TMEM132D: variants seen among roughly 807,000 people sequenced by gnomAD.
TMEM132D encodes the protein transmembrane protein 132D.
In TMEM132D, 21 loss-of-function variants were observed where a neutral mutation model predicts 62.3. That is an observed-to-expected ratio of 0.34 (90% confidence interval 0.24 to 0.49). The LOEUF (loss-of-function observed/expected upper bound fraction) is 0.49, where lower values mean the gene tolerates loss of function less well. Among genes scored for constraint, TMEM132D ranks in the 20% least tolerant of loss-of-function variants. The pLI is 0.99. For missense variants in TMEM132D, 1,346 were observed against 1,402.8 expected, an observed-to-expected ratio of 0.96 and a Z score of 0.65; for synonymous variants, 621 against 575.6, an observed-to-expected ratio of 1.08 and a Z score of -1.13.
rs1436076928 is a variant in TMEM132D, at chr12:129,574,752, A to G, written c.969-43547T>C. ...TTTTCACAATATCACGGTGGGTCCC[A>G]CACATGAACAACTGGGAAATCTAAG... On this transcript the variant is annotated intron_variant, in intron 2 of 8. Transcript: ENST00000422113. Among the ~76,000 whole-genome samples the G allele has an allele frequency of 2.0e-5, 3 of 151,814 alleles. No homozygotes were observed. In the East Asian group the frequency reaches 5.8e-4, roughly 29 times the overall value.
At chr12:129,169,330 G>T (rs1458460341) in intron 5 of TMEM132D, among the ~76,000 whole-genome samples, 1 of 151,842 alleles carries the variant, frequency 6.6e-6, no homozygotes, top group Non-Finnish European at 1.5e-5. Context: ...CTGTGGCCAG[G>T]CAGAAAACAC....
intron 5 of TMEM132D, among the ~76,000 whole-genome samples, chr12:129,090,874 G>C (rs1005535413): frequency 1.3e-5 from 2 of 152,124 alleles, no homozygotes; most frequent in African/African-American, 4.8e-5. Flanking sequence ...CCACCCCACA[G>C]TGTCTTTTTG....
At chr12:129,896,575 T>G (rs1212127393) in intron 1 of TMEM132D, among the ~76,000 whole-genome samples, 2 of 152,212 alleles carry the variant, frequency 1.3e-5, no homozygotes, top group Non-Finnish European at 2.9e-5. Context: ...AGACATCTTC[T>G]TAGTGAATCT....
intron 1 of TMEM132D, among the ~76,000 whole-genome samples, chr12:129,844,377 G>C (rs1247398791): frequency 6.6e-6 from 1 of 152,190 alleles, no homozygotes; most frequent in Non-Finnish European, 1.5e-5. Context: ...ATTTGACCTG[G>C]AGTGTGTGTG....
intron 1 of TMEM132D, among the ~76,000 whole-genome samples, chr12:129,767,152 C>T (rs943103257): frequency 2.0e-5 from 3 of 152,112 alleles, no homozygotes; most frequent in African/African-American, 7.2e-5. Context: ...AAGAAGCTGC[C>T]CTGTATCAAT....
intron 2 of TMEM132D, among the ~76,000 whole-genome samples, chr12:129,547,589 G>T (rs1229253809): frequency 6.6e-6 from 1 of 152,118 alleles, no homozygotes; most frequent in Admixed American, 6.5e-5. Context: ...AAACTTCAGT[G>T]GGCAGACTTT....
At chr12:129,618,794 G>A (rs1878987335) in intron 2 of TMEM132D, among the ~76,000 whole-genome samples, 1 of 152,162 alleles carries the variant, frequency 6.6e-6, no homozygotes. Flanking sequence ...ATAGCCTCAG[G>A]AGGTCCTGAC....
At chr12:129,839,973 C>T (rs921413445) in intron 1 of TMEM132D, 2 of 152,160 alleles carry the variant, frequency 1.3e-5, no homozygotes, top group Non-Finnish European at 2.9e-5. Flanking sequence ...CATCTACACT[C>T]CTCTTTGCTA....
intron 4 of TMEM132D, among the ~76,000 whole-genome samples, chr12:129,283,447 C>T (rs1012776889): frequency 6.6e-6 from 1 of 152,210 alleles, no homozygotes; most frequent in African/African-American, 2.4e-5. Flanking sequence ...CCACCTCAGC[C>T]TCCCAAAGTG....
intron 5 of TMEM132D, among the ~76,000 whole-genome samples, chr12:129,178,661 G>T (rs1185905859): frequency 1.3e-5 from 2 of 152,142 alleles, no homozygotes; most frequent in Admixed American, 6.5e-5. Context: ...GTAAAAGATG[G>T]GGGCAGTAGA....
Position 129,746,432 on chromosome 12 carries a change from C to A in TMEM132D, c.80-45734G>T, listed in dbSNP as rs188905134. ...TGAGAAAGAAGACAGCATCCTGGAC[C>A]AGGGTCATGAAATTAGGAGACGGGA... On this transcript the variant is annotated intron_variant, in intron 1 of 8. Coordinates refer to ENST00000422113, the MANE Select transcript of TMEM132D (RefSeq NM_133448.3). 2.8e-3 allele frequency among the ~76,000 whole-genome samples: 424 copies of A among 152,154 alleles called. 1 individual carries two copies. Among genetic ancestry groups the A allele is most frequent in the African/African-American group, 0.01 (416 of 41,500 alleles).
intron 5 of TMEM132D, among the ~76,000 whole-genome samples, chr12:129,097,354 T>C (rs1875149818): frequency 6.6e-6 from 1 of 152,282 alleles, no homozygotes; most frequent in Admixed American, 6.5e-5. Context: ...ACAGCTTTTA[T>C]GACTCTCTGT....
intron 3 of TMEM132D, among the ~76,000 whole-genome samples, chr12:129,378,014 C>T (rs776290271): frequency 2.0e-5 from 3 of 152,204 alleles, no homozygotes; most frequent in Non-Finnish European, 4.4e-5. Flanking sequence ...ATCATGTTAT[C>T]TTGTCATCTT....
chr12:129,293,839 C>T (rs1392748598), intron 4 of TMEM132D, among the ~76,000 whole-genome samples: 1 of 152,172 alleles, frequency 6.6e-6, no homozygotes, highest in Non-Finnish European at 1.5e-5. Flanking sequence ...GCTTGCCCAT[C>T]ACTTGCCTTC....
chr12:129,673,131 C>T (rs1443359824), intron 2 of TMEM132D, among the ~76,000 whole-genome samples: 1 of 150,404 alleles, frequency 6.6e-6, no homozygotes, highest in East Asian at 1.9e-4. Context: ...ACCCCCAAAA[C>T]TCTCTCATGC....
chr12:129,124,685 A>G (rs140587365), intron 5 of TMEM132D, among the ~76,000 whole-genome samples: 8 of 152,342 alleles, frequency 5.3e-5, no homozygotes, highest in African/African-American at 9.6e-5. Flanking sequence ...ATTTCATTGA[A>G]TGGGCACAGA....
chr12:129,687,721 T>A (rs1375243812), intron 2 of TMEM132D, among the ~76,000 whole-genome samples: 1 of 152,074 alleles, frequency 6.6e-6, no homozygotes. Flanking sequence ...AAAACTCAGT[T>A]TAGGCTTCCG....
intron 3 of TMEM132D, among the ~76,000 whole-genome samples, chr12:129,404,422 C>T (rs1240631613): frequency 4.6e-5 from 7 of 152,300 alleles, no homozygotes; most frequent in African/African-American, 1.4e-4. Flanking sequence ...GTCTCGAACT[C>T]CTGACCTAAA....
chr12:129,678,460 T>C (rs1431987062), intron 2 of TMEM132D, among the ~76,000 whole-genome samples: 1 of 152,200 alleles, frequency 6.6e-6, no homozygotes, highest in Non-Finnish European at 1.5e-5. Context: ...ATAAAATGTC[T>C]GTTCATATTT....
Sources: gnomAD v4.1 joint callset for allele counts (sites outside exome capture counted in the v4.1 genomes callset) on GRCh38, gnomAD v4.1.1 for gene constraint, MANE v1.5 for transcripts, NCBI Gene and HGNC (gene_info 2026-07-23, HGNC 2026-07-21) for gene names.